Variants in ATXN2L observed in about 807,000 individuals in gnomAD.
ATXN2L encodes the protein ataxin 2 like.
ATXN2L carries 24 observed loss-of-function variants against 120.7 expected under a neutral mutation model. The ratio of observed to expected loss-of-function variants is 0.20; its 90% CI spans 0.14 to 0.28. ATXN2L has a LOEUF of 0.28. Among genes scored for constraint, ATXN2L ranks in the 10% least tolerant of loss-of-function variants. ATXN2L has a pLI of 1.00. For missense variants in ATXN2L, 1,312 were observed against 1,432.3 expected (o/e 0.92, Z 1.36); for synonymous variants, 653 against 568.1 (o/e 1.15, Z -2.13).
rs533126356 is a variant in ATXN2L, at chr16:28,833,307, G to A, written c.1908G>A (p.Pro636=). The A allele has an allele frequency of 9.3e-6, 15 of 1,614,096 alleles. No homozygotes were observed. The highest frequency in any genetic ancestry group is 6.7e-5 in the East Asian group (3 of 44,890). ...GTCCAAGCCAAACTGGCAGCCCCCC[G>A]GTGGGCCTCATCAAGGGAGAAGACA... The part of the protein sequence containing the change: ...PPCPSQTGSP[P]VGLIKGEDKD... Residue 636 remains proline (P), a synonymous_variant, in exon 14 of 22, where the codon CCG becomes CCA. Coordinates refer to ENST00000336783, the MANE Select transcript of ATXN2L (RefSeq NM_007245.4).
At chr16:28,832,696 T>C in intron 12 of ATXN2L, 121 bp from the exon 13 acceptor site, 1 of 1,413,996 alleles carries the variant, frequency 7.1e-7, no homozygotes, top group Admixed American at 2.0e-5. Flanking sequence ...ATTTCACTTC[T>C]GTGATCCTCA....
At position 28,836,891 on chromosome 16, in the gene ATXN2L, G is replaced by T; in HGVS notation, c.*626G>T. The T allele has an allele frequency of 8.7e-7, 1 of 1,147,484 alleles. No individual in the cohort carries two copies. Among genetic ancestry groups the T allele is most frequent in the Non-Finnish European group, 1.3e-6 (1 of 792,366 alleles). The allele number at this position is 1,147,484 out of a possible 1,614,324, so 71.1% of individuals were successfully genotyped here. ...CCCCCCATCCCCCCGTTCCCCAGGG[G>T]AGCTGGGGAATTCCTGCCAAGCACC... On this transcript the variant is annotated 3_prime_UTR_variant, in exon 22 of 22. Transcript: ENST00000336783.
Position 28,826,523 on chromosome 16 carries a change from CT to C in ATXN2L, c.616+141del, listed in dbSNP as rs368900223. The C allele has an allele frequency of 7.4e-4, 757 of 1,020,982 alleles. 4 individuals carry two copies. The highest frequency in any genetic ancestry group is 7.2e-3 in the African/African-American group (450 of 62,588). The allele number at this position is 1,020,982 out of a possible 1,614,324, so 63.2% of individuals were successfully genotyped here. A position where few individuals can be genotyped will look rare whatever the true frequency, so the allele number is the denominator to read the frequency against. ...TTGTTTGTTTGTTTTGCTTTAATGCCTTTTTTTTCCTGAGCGAAGTGGGTGG... is the reference window on the plus strand; with the variant it reads ...TTGTTTGTTTGTTTTGCTTTAATGCCTTTTTTTCCTGAGCGAAGTGGGTGG... On this transcript the variant is annotated intron_variant, in intron 5 of 21. Transcript: ENST00000336783.
In ATXN2L at chr16:28,832,800, T is replaced by G; in HGVS notation, c.1589-17T>G. ...AGAATGTTTTGTATTTTCTTCTTTT[T>G]GACTGTTTTCTCATAGTCCCTGGTC... is the stretch of plus-strand genomic sequence containing the variant. On this transcript the variant is annotated splice_polypyrimidine_tract_variant and intron_variant, in intron 12 of 21. Transcript: ENST00000336783. 1.2e-6 allele frequency: 2 copies of G among 1,613,550 alleles called. No homozygotes were observed. Among genetic ancestry groups the G allele is most frequent in the Non-Finnish European group, 1.7e-6 (2 of 1,179,472 alleles).
At position 28,835,580 on chromosome 16, in the gene ATXN2L, G is replaced by A. The variant is rs780058096; in HGVS notation, c.2717G>A (p.Ser906Asn). 1.2e-6 allele frequency: 2 copies of A among 1,613,780 alleles called. No individual in the cohort carries two copies. The highest frequency in any genetic ancestry group is 2.7e-5 in the African/African-American group (2 of 74,910). Residue 906 changes from serine to asparagine, a missense_variant, in exon 21 of 22, where the codon AGT (serine) becomes AAT (asparagine). By Grantham distance (46) the Ser-to-Asn change is conservative. Coordinates refer to ENST00000336783, the MANE Select transcript of ATXN2L (RefSeq NM_007245.4). ...GCGGGGCAGGCCCCACACTTGGGCA[G>A]TGGACAGCCACAGCAGAATCTGTAC... ...HQAGQAPHLG[S>N]GQPQQNLYHP...
At chr16:28,833,418 T>G (rs1006710126) in intron 14 of ATXN2L, 21 bp from the exon 15 acceptor site, 36 of 1,614,098 alleles carry the variant, frequency 2.2e-5, no homozygotes, top group Non-Finnish European at 2.7e-5. Context: ...CCGTGAAGAT[T>G]TACTGTACTT....
chr16:28,825,714 G>A (rs759172486), intron 3 of ATXN2L, 34 bp downstream of exon 3: 2 of 1,613,490 alleles, frequency 1.2e-6, no homozygotes, highest in South Asian at 2.2e-5. Context: ...GTTGTTTAAG[G>A]AACGTAATGC....
intron 2 of ATXN2L, 72 bp from the exon 3 acceptor site, chr16:28,825,552 C>G (rs569752518): frequency 4.5e-6 from 7 of 1,551,282 alleles, no homozygotes; most frequent in Non-Finnish European, 4.5e-6. Context: ...TAGAGTGCGG[C>G]GGGCATTTAG....
In ATXN2L at chr16:28,834,056, T is replaced by A. The variant is rs2152095637; in HGVS notation, c.2026-9T>A. 2.5e-6 allele frequency: 4 copies of A among 1,611,044 alleles called. No individual in the cohort carries two copies. Among genetic ancestry groups the A allele is most frequent in the African/African-American group, 1.3e-5 (1 of 74,846 alleles). ...TACAAAATAAAATTGTCCTCCCTTG[T>A]TTTTGCAGAATAAATCCACCAGTAC... On this transcript the variant is annotated splice_polypyrimidine_tract_variant and intron_variant, in intron 15 of 21. Coordinates refer to ENST00000336783, the MANE Select transcript of ATXN2L (RefSeq NM_007245.4).
In ATXN2L at chr16:28,823,000, G is replaced by A; in HGVS notation, c.-260G>A. On this transcript the variant is annotated 5_prime_UTR_variant, in exon 1 of 22. Coordinates refer to ENST00000336783, the MANE Select transcript of ATXN2L (RefSeq NM_007245.4). ...CGCGCTCCTCCCTCTCCGCTCCCCG[G>A]CGACGCGCACGCGCGCCAGCCCGGC... The A allele has an allele frequency of 8.6e-6, 1 of 116,370 alleles. No homozygotes were observed. Among genetic ancestry groups the A allele is most frequent in the Non-Finnish European group, 1.6e-5 (1 of 61,700 alleles). The allele number at this position is 116,370 out of a possible 1,614,324, so 7.2% of individuals were successfully genotyped here. A position where few individuals can be genotyped will look rare whatever the true frequency, so the allele number is the denominator to read the frequency against.
intron 10 of ATXN2L, among the ~76,000 whole-genome samples, chr16:28,831,779 G>A (rs1339106700): frequency 1.3e-5 from 2 of 152,138 alleles, no homozygotes; most frequent in Admixed American, 1.3e-4. Context: ...AGCTACTTGC[G>A]AGGCTGAGGT....
chr16:28,825,025 C>T (rs1331247042), intron 1 of ATXN2L, among the ~76,000 whole-genome samples: 2 of 150,484 alleles, frequency 1.3e-5, no homozygotes, highest in Non-Finnish European at 3.0e-5. Flanking sequence ...GCCTGGGCAA[C>T]ACAGATGGGA....
intron 16 of ATXN2L, 26 bp downstream of exon 16, chr16:28,834,237 A>T (rs1380827851): frequency 6.2e-7 from 1 of 1,611,226 alleles, no homozygotes; most frequent in African/African-American, 1.3e-5. Context: ...GGCCGGGCCC[A>T]GGGTTAGCGG....
chr16:28,826,830 C>T (rs1347646623), intron 5 of ATXN2L, 32 bp from the exon 6 acceptor site: 12 of 1,514,206 alleles, frequency 7.9e-6, no homozygotes, highest in East Asian at 2.3e-5. Context: ...GAAATATAGC[C>T]TGACTCCTGA....
chr16:28,824,358 G>A lies in ATXN2L; in HGVS notation c.299+800G>A. 3.3e-6 allele frequency: 4 copies of A among 1,203,704 alleles called. No homozygotes were observed. The South Asian group carries it at 4.2e-5, about 13-fold the overall frequency. The allele number at this position is 1,203,704 out of a possible 1,614,324, so 74.6% of individuals were successfully genotyped here. A position where few individuals can be genotyped will look rare whatever the true frequency, so the allele number is the denominator to read the frequency against. On this transcript the variant is annotated intron_variant, in intron 1 of 21. Transcript: ENST00000336783. ...GCGCAGTGGGCTCTGATCGCTGGAG[G>A]TGGGGGTTCGGAAAGTCCCGTGGGT...
intron 20 of ATXN2L, 35 bp downstream of exon 20, chr16:28,835,434 G>A: frequency 2.5e-6 from 4 of 1,611,822 alleles, no homozygotes; most frequent in Middle Eastern, 1.7e-4. Flanking sequence ...TGGTCCTGGT[G>A]CAGGAATGGG....
intron 1 of ATXN2L, chr16:28,824,505 A>G: frequency 7.8e-7 from 1 of 1,288,174 alleles, no homozygotes; most frequent in Non-Finnish European, 1.0e-6. Context: ...TCAGCCAGCG[A>G]CGAGCAGGGT....
chr16:28,830,812 A>T, intron 9 of ATXN2L, 22 bp downstream of exon 9: 1 of 1,565,502 alleles, frequency 6.4e-7, no homozygotes, highest in South Asian at 1.2e-5. Flanking sequence ...GGTGACTTTG[A>T]GGAAGAGGGC....
rs899412626 is a variant in ATXN2L at position 28,823,209 on chromosome 16, G to A, written c.-51G>A. The A allele has an allele frequency of 1.6e-6, 2 of 1,241,134 alleles. No individual in the cohort carries two copies. Among genetic ancestry groups the A allele is most frequent in the Non-Finnish European group, 2.1e-6 (2 of 967,310 alleles). The allele number at this position is 1,241,134 out of a possible 1,614,324, so 76.9% of individuals were successfully genotyped here. On this transcript the variant is annotated 5_prime_UTR_variant, in exon 1 of 22. Transcript: ENST00000336783. ...GCTCTCCAGCGGGGCCCCAGCCCCG[G>A]CCCCCTCTCTCCCTCCCTTCTCTCT...
Sources: allele counts gnomAD v4.1 joint callset (sites outside exome capture counted in the v4.1 genomes callset), GRCh38; gene constraint gnomAD v4.1.1; transcripts MANE v1.5; gene names NCBI Gene and HGNC (gene_info 2026-07-23, HGNC 2026-07-21).